UBOX5: variants seen among roughly 807,000 people sequenced by gnomAD.
UBOX5 encodes the protein RING finger protein 37.
In UBOX5, 28 loss-of-function variants were observed where a neutral mutation model predicts 39.0. The observed-to-expected ratio is 0.72, with a 90% CI of 0.53 to 0.98. The LOEUF (loss-of-function observed/expected upper bound fraction) is 0.98, where lower values mean the gene tolerates loss of function less well. UBOX5 is among the 50% of genes least tolerant of loss of function. The pLI, the probability that UBOX5 is intolerant of heterozygous loss-of-function variation, is 0.00. For synonymous variants in UBOX5, 283 were observed against 275.5 expected (o/e 1.03, Z -0.27); for missense variants, 585 against 674.4 (o/e 0.87, Z 1.47).
At chr20:3,115,032 C>T (rs990062019) in intron 4 of UBOX5, among the ~76,000 whole-genome samples, 2 of 152,116 alleles carry the variant, frequency 1.3e-5, no homozygotes, top group African/African-American at 4.8e-5. Context: ...CACAAGGAAA[C>T]ACATCAGAGG....
chr20:3,114,714 C>T (rs998772740), intron 4 of UBOX5, among the ~76,000 whole-genome samples: 1 of 152,166 alleles, frequency 6.6e-6, no homozygotes, highest in African/African-American at 2.4e-5. Context: ...CTTTGCGAGG[C>T]CGAGGCGGGC....
intron 3 of UBOX5, 151 bp from the exon 4 acceptor site, chr20:3,115,617 C>G: frequency 1.1e-6 from 1 of 914,886 alleles, no homozygotes; most frequent in South Asian, 2.0e-5. Flanking sequence ...CGGACCATGA[C>G]AGAACACCGG....
intron 1 of UBOX5, among the ~76,000 whole-genome samples, chr20:3,132,924 C>T (rs1326786211): frequency 6.6e-6 from 1 of 150,612 alleles, no homozygotes. Flanking sequence ...AAGTTCAAGG[C>T]TAGCCTGGGC....
rs1231994432 is a variant in UBOX5, at chr20:3,109,958, A to G, written c.*148T>C. ...GCCACCAGCGCAGAAGCAATGTGCT[A>G]TACCGTGAGGTGATGAAGAAGAGCC... On this transcript the variant is annotated 3_prime_UTR_variant, in exon 5 of 5. Coordinates refer to ENST00000217173, the MANE Select transcript of UBOX5 (RefSeq NM_014948.4). 14 of 875,698 alleles carry G rather than the reference A, an allele frequency of 1.6e-5. No homozygotes were observed. Among genetic ancestry groups the G allele is most frequent in the Non-Finnish European group, 1.9e-5 (11 of 565,756 alleles). The allele number at this position is 875,698 out of a possible 1,614,324, so 54.2% of individuals were successfully genotyped here. A position where few individuals can be genotyped will look rare whatever the true frequency, so the allele number is the denominator to read the frequency against.
chr20:3,139,458 C>T (rs549547408), intron 1 of UBOX5, among the ~76,000 whole-genome samples: 29 of 152,178 alleles, frequency 1.9e-4, no homozygotes, highest in African/African-American at 6.5e-4. Context: ...GGCGCGATCT[C>T]GGCTCACTGC....
intron 3 of UBOX5, among the ~76,000 whole-genome samples, chr20:3,121,153 C>T (rs1054577426): frequency 1.3e-5 from 2 of 152,170 alleles, no homozygotes; most frequent in African/African-American, 2.4e-5. Context: ...AGACTGAAGC[C>T]TCGGAACAGA....
intron 1 of UBOX5, among the ~76,000 whole-genome samples, chr20:3,145,453 T>C (rs981543929): frequency 4.6e-5 from 7 of 151,568 alleles, no homozygotes; most frequent in Admixed American, 1.3e-4. Context: ...TTTTTTTTTT[T>C]TTTTGAGTTA....
intron 1 of UBOX5, among the ~76,000 whole-genome samples, chr20:3,140,498 G>T (rs2066509122): frequency 6.6e-6 from 1 of 152,136 alleles, no homozygotes; most frequent in Non-Finnish European, 1.5e-5. Flanking sequence ...GAGGTGGCCA[G>T]TCTCTCCAAC....
intron 3 of UBOX5, among the ~76,000 whole-genome samples, chr20:3,117,247 A>G (rs1340600400): frequency 6.6e-6 from 1 of 151,770 alleles, no homozygotes; most frequent in African/African-American, 2.4e-5. Context: ...AATTCTTTCT[A>G]TGGAACAAAA....
intron 3 of UBOX5, among the ~76,000 whole-genome samples, chr20:3,118,363 C>T (rs1467192833): frequency 1.3e-5 from 2 of 151,720 alleles, no homozygotes; most frequent in Non-Finnish European, 2.9e-5. Context: ...ATCCCAACTA[C>T]TCTGGAGGCT....
rs2066403322 is a variant in UBOX5 at position 3,128,020 on chromosome 20, T to C, written c.-41-4614A>G. 2.6e-5 allele frequency among the ~76,000 whole-genome samples: 4 copies of C among 152,364 alleles called. No individual in the cohort carries two copies. The South Asian group carries it at 8.3e-4, about 32-fold the overall frequency. ...TGCTTTGCCAGAGAATTTTAGAATCTGGCCTGGCATCCACATGGACTAAAG... is the reference window on the plus strand; with the variant it reads ...TGCTTTGCCAGAGAATTTTAGAATCCGGCCTGGCATCCACATGGACTAAAG... On this transcript the variant is annotated intron_variant, in intron 1 of 4. Coordinates refer to ENST00000217173, the MANE Select transcript of UBOX5 (RefSeq NM_014948.4).
intron 1 of UBOX5, among the ~76,000 whole-genome samples, chr20:3,144,404 A>G (rs1347129468): frequency 6.6e-6 from 1 of 152,222 alleles, no homozygotes; most frequent in Non-Finnish European, 1.5e-5. Flanking sequence ...TCTTCAACAA[A>G]TGATGCTGGG....
chr20:3,113,838 A>G (rs2066273237), intron 4 of UBOX5, among the ~76,000 whole-genome samples: 1 of 152,146 alleles, frequency 6.6e-6, no homozygotes, highest in Non-Finnish European at 1.5e-5. Flanking sequence ...TGTTTCCTTT[A>G]GAGAGGATGC....
intron 1 of UBOX5, among the ~76,000 whole-genome samples, chr20:3,129,483 A>G (rs2148602682): frequency 6.6e-6 from 1 of 152,142 alleles, no homozygotes; most frequent in East Asian, 1.9e-4. Flanking sequence ...ATACCACTCC[A>G]TTGAGCTGAC....
At chr20:3,139,642 G>A (rs1369828252) in intron 1 of UBOX5, among the ~76,000 whole-genome samples, 1 of 152,024 alleles carries the variant, frequency 6.6e-6, no homozygotes, top group Non-Finnish European at 1.5e-5. Flanking sequence ...TTAAACTCCT[G>A]ACCTCAGGTG....
intron 1 of UBOX5, chr20:3,147,126 C>G (rs1312369466): frequency 1.9e-6 from 3 of 1,613,882 alleles, no homozygotes; most frequent in South Asian, 2.2e-5. Context: ...TGCCCAGGCT[C>G]TGACTCAGTT....
At position 3,128,663 on chromosome 20, in the gene UBOX5, A is replaced by T. The variant is rs148589111; in HGVS notation, c.-41-5257T>A. Among the ~76,000 whole-genome samples the T allele has an allele frequency of 7.5e-3, 1,148 of 152,208 alleles. 18 individuals carry two copies. The highest frequency in any genetic ancestry group is 0.026 in the African/African-American group (1,091 of 41,536). On this transcript the variant is annotated intron_variant, in intron 1 of 4. Coordinates refer to ENST00000217173, the MANE Select transcript of UBOX5 (RefSeq NM_014948.4). ...GATCACTTGAGCCCAGGAGTTCGAG[A>T]TCAGCCCGGGCAACACAGCAAGACC...
intron 1 of UBOX5, among the ~76,000 whole-genome samples, chr20:3,128,615 A>T (rs2066407253): frequency 6.6e-6 from 1 of 152,160 alleles, no homozygotes; most frequent in Non-Finnish European, 1.5e-5. Flanking sequence ...TAATCCGAAC[A>T]CTTTAGGAGG....
intron 3 of UBOX5, among the ~76,000 whole-genome samples, chr20:3,120,337 C>T (rs2066324456): frequency 7.3e-6 from 1 of 137,642 alleles, no homozygotes; most frequent in East Asian, 2.1e-4. Context: ...CAGAGCGAGA[C>T]TCCATCTCAA....
Sources: gnomAD v4.1 joint callset for allele counts (sites outside exome capture counted in the v4.1 genomes callset) on GRCh38, gnomAD v4.1.1 for gene constraint, MANE v1.5 for transcripts, NCBI Gene and HGNC (gene_info 2026-07-23, HGNC 2026-07-21) for gene names.